The following CCDC170 variants were observed in gnomAD, a reference collection of about 807,000 sequenced individuals.
CCDC170 encodes the protein coiled-coil domain containing 170.
A neutral mutation model predicts 72.6 loss-of-function variants in CCDC170; 69 were observed. The observed-to-expected ratio is 0.95, with a 90% CI of 0.78 to 1.16. The LOEUF is 1.16. Ranked by LOEUF, CCDC170 falls within the 50% of genes most tolerant of loss-of-function variation. The pLI is 0.00. For synonymous variants in CCDC170, 300 were observed against 303.9 expected, an observed-to-expected ratio of 0.99 and a Z score of 0.13; for missense variants, 852 against 832.5, an observed-to-expected ratio of 1.02 and a Z score of -0.29.
At chr6:151,496,417 A>G (rs1040081986) in intron 1 of CCDC170, among the ~76,000 whole-genome samples, 1 of 152,248 alleles carries the variant, frequency 6.6e-6, no homozygotes, top group African/African-American at 2.4e-5. Context: ...TTGGCTTAAA[A>G]TAACTAAATT....
At chr6:151,574,336 C>T (rs1776271387) in intron 6 of CCDC170, among the ~76,000 whole-genome samples, 2 of 152,198 alleles carry the variant, frequency 1.3e-5, no homozygotes, top group South Asian at 2.1e-4. Context: ...GTGCTGAATC[C>T]CGTCTCTGCT....
At chr6:151,515,759 A>G (rs113151762) in intron 1 of CCDC170, among the ~76,000 whole-genome samples, 13,011 of 152,306 alleles carry the variant, frequency 0.085, 663 homozygotes, top group Middle Eastern at 0.17. Context: ...ACAGCTTTGC[A>G]GGACCACTTA....
intron 9 of CCDC170, among the ~76,000 whole-genome samples, chr6:151,602,156 C>A (rs763500005): frequency 1.3e-5 from 2 of 152,096 alleles, no homozygotes; most frequent in Non-Finnish European, 2.9e-5. Flanking sequence ...TAAATTTACT[C>A]CTGAATTCTA....
At chr6:151,554,919 C>T (rs1219617229) in intron 5 of CCDC170, among the ~76,000 whole-genome samples, 2 of 124,210 alleles carry the variant, frequency 1.6e-5, no homozygotes, top group Admixed American at 1.0e-4. Context: ...CGCTCTATTG[C>T]CCAGGCTGGA....
Position 151,618,487 on chromosome 6 carries a change from A to G in CCDC170, c.*340A>G. 7.8e-6 allele frequency: 2 copies of G among 256,648 alleles called. No individual in the cohort carries two copies. Among genetic ancestry groups the G allele is most frequent in the Non-Finnish European group, 1.5e-5 (2 of 133,038 alleles). 15.9% of individuals were successfully genotyped at this position (256,648 alleles called of 1,614,324 possible). A position where few individuals can be genotyped will look rare whatever the true frequency, so the allele number is the denominator to read the frequency against. ...AGCCGATTTAGTTCTCACAATAACCATGTGGAGAAGCTGTGACATTTTTAA... is the reference window on the plus strand; with the variant it reads ...AGCCGATTTAGTTCTCACAATAACCGTGTGGAGAAGCTGTGACATTTTTAA... On this transcript the variant is annotated 3_prime_UTR_variant, in exon 11 of 11. Coordinates refer to ENST00000239374, the MANE Select transcript of CCDC170 (RefSeq NM_025059.4).
At chr6:151,592,883 C>CAAGGG in intron 7 of CCDC170, 1 of 569,540 alleles carries the variant, frequency 1.8e-6, no homozygotes, top group Non-Finnish European at 3.1e-6. Context: ...ACATGAACAT[C>CAAGGG]AAGGGCTAGG....
At chr6:151,563,132 C>T (rs537244704) in intron 5 of CCDC170, among the ~76,000 whole-genome samples, 2 of 152,196 alleles carry the variant, frequency 1.3e-5, no homozygotes, top group Admixed American at 1.3e-4. Flanking sequence ...TGGTGCCATT[C>T]TGTGTAGGGA....
chr6:151,598,053 C>T (rs1472893425), intron 9 of CCDC170, among the ~76,000 whole-genome samples: 1 of 152,126 alleles, frequency 6.6e-6, no homozygotes, highest in Non-Finnish European at 1.5e-5. Flanking sequence ...TGGGGCTAGA[C>T]TGCCAAGTTG....
intron 8 of CCDC170, among the ~76,000 whole-genome samples, chr6:151,593,530 G>T (rs80207157): frequency 0.011 from 1,684 of 152,102 alleles, 28 homozygotes; most frequent in African/African-American, 0.038. Flanking sequence ...AAAGTTTTTT[G>T]TTGTTGTTGT....
At chr6:151,505,438 C>G (rs1247551105) in intron 1 of CCDC170, among the ~76,000 whole-genome samples, 1 of 151,732 alleles carries the variant, frequency 6.6e-6, no homozygotes, top group Admixed American at 6.6e-5. Context: ...AATCCCAGCA[C>G]TTTGGGAGGC....
intron 5 of CCDC170, among the ~76,000 whole-genome samples, chr6:151,552,460 C>T (rs1018773665): frequency 7.9e-5 from 12 of 152,258 alleles, no homozygotes; most frequent in African/African-American, 1.2e-4. Context: ...TGGTGATATT[C>T]TAATTTCGTC....
At chr6:151,561,667 A>G (rs537035031) in intron 5 of CCDC170, among the ~76,000 whole-genome samples, 2 of 152,030 alleles carry the variant, frequency 1.3e-5, no homozygotes, top group East Asian at 3.9e-4. Context: ...TTGACCTTGG[A>G]TAGTCTGATA....
At chr6:151,540,874 C>A (rs1306388249) in intron 3 of CCDC170, among the ~76,000 whole-genome samples, 2 of 152,088 alleles carry the variant, frequency 1.3e-5, no homozygotes, top group African/African-American at 4.8e-5. Flanking sequence ...CTGACTGTGC[C>A]CCCTGCAGCC....
At chr6:151,601,020 AT>A (rs1013613291) in intron 9 of CCDC170, among the ~76,000 whole-genome samples, 1 of 152,162 alleles carries the variant, frequency 6.6e-6, no homozygotes, top group African/African-American at 2.4e-5. Flanking sequence ...GGCTTTTTGT[AT>A]TAGTCTGTTT....
intron 9 of CCDC170, among the ~76,000 whole-genome samples, chr6:151,605,349 G>T (rs1322434523): frequency 6.6e-6 from 1 of 152,202 alleles, no homozygotes; most frequent in Non-Finnish European, 1.5e-5. Context: ...TCGCAAAGGG[G>T]ATATTCTGGC....
At chr6:151,582,392 T>C (rs905994085) in intron 6 of CCDC170, among the ~76,000 whole-genome samples, 13 of 152,220 alleles carry the variant, frequency 8.5e-5, no homozygotes, top group African/African-American at 3.1e-4. Flanking sequence ...CTGCAGCTTC[T>C]TCACCTCTCT....
intron 1 of CCDC170, among the ~76,000 whole-genome samples, chr6:151,510,178 G>C (rs1782128653): frequency 6.6e-6 from 1 of 152,184 alleles, no homozygotes; most frequent in African/African-American, 2.4e-5. Context: ...TTCTGAGTAA[G>C]AGCATGGGCT....
At chr6:151,528,982 A>G (rs1473340922) in intron 1 of CCDC170, among the ~76,000 whole-genome samples, 1 of 152,196 alleles carries the variant, frequency 6.6e-6, no homozygotes, top group Non-Finnish European at 1.5e-5. Context: ...ATGAGTAAAT[A>G]CATCCTTATT....
At chr6:151,602,626 AAGTGTTTGAC>A (rs1255417803) in intron 9 of CCDC170, among the ~76,000 whole-genome samples, 1 of 152,002 alleles carries the variant, frequency 6.6e-6, no homozygotes, top group African/African-American at 2.4e-5. Flanking sequence ...ATTGTTTTAT[AAGTGTTTGAC>A]AGTTCCTTCT....
Sources: allele counts gnomAD v4.1 joint callset (sites outside exome capture counted in the v4.1 genomes callset), GRCh38; gene constraint gnomAD v4.1.1; transcripts MANE v1.5; gene names NCBI Gene and HGNC (gene_info 2026-07-23, HGNC 2026-07-21).